The following FRMD3 variants were observed in gnomAD, a reference collection of about 807,000 sequenced individuals.
FRMD3 encodes the protein FERM domain-containing protein 3.
A neutral mutation model predicts 70.2 loss-of-function variants in FRMD3; 33 were observed. The ratio of observed to expected loss-of-function variants is 0.47; its 90% confidence interval spans 0.36 to 0.63. The LOEUF (loss-of-function observed/expected upper bound fraction) is 0.63, where lower values mean the gene tolerates loss of function less well. Ranked by LOEUF, FRMD3 falls within the 20% of genes least tolerant of loss-of-function variation. FRMD3 has a pLI of 0.00. For synonymous variants in FRMD3, 279 were observed against 255.9 expected (o/e 1.09, Z -0.86); for missense variants, 632 against 711.4 (o/e 0.89, Z 1.27).
intron 10 of FRMD3, among the ~76,000 whole-genome samples, chr9:83,305,946 T>C (rs894099143): frequency 6.6e-6 from 1 of 152,202 alleles, no homozygotes; most frequent in Non-Finnish European, 1.5e-5. Flanking sequence ...ACCTAGTTCA[T>C]GATAAAATTA....
chr9:83,414,772 A>G (rs1003480703), intron 1 of FRMD3, among the ~76,000 whole-genome samples: 6 of 152,178 alleles, frequency 3.9e-5, no homozygotes, highest in Non-Finnish European at 8.8e-5. Flanking sequence ...AGCTCTCTCA[A>G]TTTCTAGTTC....
intron 1 of FRMD3, among the ~76,000 whole-genome samples, chr9:83,426,296 C>A (rs1441566123): frequency 6.6e-6 from 1 of 152,182 alleles, no homozygotes; most frequent in Non-Finnish European, 1.5e-5. Flanking sequence ...TGCAGCCAGA[C>A]GAAAATCTGT....
intron 6 of FRMD3, among the ~76,000 whole-genome samples, chr9:83,318,597 T>C (rs1028461471): frequency 2.0e-5 from 3 of 152,170 alleles, no homozygotes; most frequent in African/African-American, 7.2e-5. Flanking sequence ...AATAAACATA[T>C]GAGTGCCGGT....
intron 3 of FRMD3, among the ~76,000 whole-genome samples, chr9:83,372,012 A>G (rs1034745049): frequency 6.6e-6 from 1 of 152,232 alleles, no homozygotes; most frequent in African/African-American, 2.4e-5. Flanking sequence ...TCAAAAAATG[A>G]AAGAATCCCT....
chr9:83,496,525 A>G (rs1564104572), intron 1 of FRMD3, among the ~76,000 whole-genome samples: 1 of 152,192 alleles, frequency 6.6e-6, no homozygotes, highest in African/African-American at 2.4e-5. Flanking sequence ...ACCCTATCTC[A>G]GATCCGCTGG....
At chr9:83,328,675 G>C (rs888828888) in intron 6 of FRMD3, among the ~76,000 whole-genome samples, 2 of 152,318 alleles carry the variant, frequency 1.3e-5, no homozygotes, top group Non-Finnish European at 2.9e-5. Flanking sequence ...GATGATGAAG[G>C]AGACCCCAGC....
chr9:83,455,204 T>C (rs1018851159), intron 1 of FRMD3, among the ~76,000 whole-genome samples: 1 of 152,192 alleles, frequency 6.6e-6, no homozygotes, highest in African/African-American at 2.4e-5. Flanking sequence ...TTAATGTGTA[T>C]TAGGTCTGTG....
At chr9:83,456,161 T>A (rs1427565376) in intron 1 of FRMD3, among the ~76,000 whole-genome samples, 1 of 152,210 alleles carries the variant, frequency 6.6e-6, no homozygotes, top group Non-Finnish European at 1.5e-5. Flanking sequence ...TAATATTTTG[T>A]CCTCTTTTTA....
chr9:83,413,420 T>G (rs1246054636), intron 1 of FRMD3, among the ~76,000 whole-genome samples: 1 of 152,176 alleles, frequency 6.6e-6, no homozygotes, highest in African/African-American at 2.4e-5. Flanking sequence ...GTGCCAGCCA[T>G]AGATGGGCAG....
intron 3 of FRMD3, among the ~76,000 whole-genome samples, chr9:83,357,041 C>G (rs1824368853): frequency 6.6e-6 from 1 of 150,400 alleles, no homozygotes; most frequent in South Asian, 2.1e-4. Context: ...TCAATTCCTG[C>G]AAATGCCATT....
intron 13 of FRMD3, among the ~76,000 whole-genome samples, chr9:83,277,827 T>C (rs1833841575): frequency 6.6e-6 from 1 of 152,228 alleles, no homozygotes; most frequent in Admixed American, 6.5e-5. Flanking sequence ...CATTTGTTCA[T>C]TAATTCAGCA....
chr9:83,298,350 C>T (rs527523856), intron 12 of FRMD3, among the ~76,000 whole-genome samples: 1 of 152,134 alleles, frequency 6.6e-6, no homozygotes, highest in African/African-American at 2.4e-5. Flanking sequence ...AGAGTAATGG[C>T]CCCATGAAAG....
chr9:83,460,564 C>T (rs1033778493), intron 1 of FRMD3, among the ~76,000 whole-genome samples: 3 of 152,110 alleles, frequency 2.0e-5, no homozygotes, highest in African/African-American at 7.2e-5. Context: ...GTGTCCAGTT[C>T]CATAATTTTC....
intron 6 of FRMD3, among the ~76,000 whole-genome samples, chr9:83,325,126 TAG>T (rs1382778141): frequency 6.6e-6 from 1 of 152,130 alleles, no homozygotes; most frequent in African/African-American, 2.4e-5. Flanking sequence ...CACATGGACA[TAG>T]AGTGTGGAAT....
the FRMD3 span, among the ~76,000 whole-genome samples, chr9:83,582,839 G>C: frequency 2.0e-5 from 3 of 152,162 alleles, no homozygotes; most frequent in Admixed American, 6.5e-5. Flanking sequence ...GCCTAGATTT[G>C]AGATCAGGTA....
At chr9:83,554,110 A>AG in the FRMD3 span, among the ~76,000 whole-genome samples, 2 of 152,148 alleles carry the variant, frequency 1.3e-5, no homozygotes, top group African/African-American at 2.4e-5. Context: ...CTAGTTTCAT[A>AG]GGGGGGTATA....
At position 83,349,661 on chromosome 9, in the gene FRMD3, C is replaced by T; in HGVS notation, c.374+18G>A. On this transcript the variant is annotated intron_variant, in intron 4 of 13. Coordinates refer to ENST00000304195, the MANE Select transcript of FRMD3 (RefSeq NM_174938.6). ...TGGTTAAAGGTGCACGTTAAACATA[C>T]AAACAAACAAAAAATACCTTGTGAG... 6.3e-7 allele frequency: 1 copy of T among 1,589,556 alleles called. No individual in the cohort carries two copies. The highest frequency in any genetic ancestry group is 8.6e-7 in the Non-Finnish European group (1 of 1,160,980).
At chr9:83,378,719 T>C (rs1442934580) in intron 2 of FRMD3, among the ~76,000 whole-genome samples, 1 of 106,118 alleles carries the variant, frequency 9.4e-6, no homozygotes, top group Non-Finnish European at 1.8e-5. Flanking sequence ...TACTTTATAT[T>C]ATATATAATA....
At chr9:83,547,646 CAAAG>C in the FRMD3 span, among the ~76,000 whole-genome samples, 2 of 152,076 alleles carry the variant, frequency 1.3e-5, no homozygotes, top group Admixed American at 1.3e-4. Flanking sequence ...AGAAAATCAA[CAAAG>C]AAACTCTGGA....
Sources: allele counts gnomAD v4.1 joint callset (sites outside exome capture counted in the v4.1 genomes callset), GRCh38; gene constraint gnomAD v4.1.1; transcripts MANE v1.5; gene names NCBI Gene and HGNC (gene_info 2026-07-23, HGNC 2026-07-21).